Variants in SULT2B1 observed in about 807,000 individuals in gnomAD.
The protein encoded by SULT2B1 is sulfotransferase family 2B member 1, also known as sulfotransferase 2B1.
SULT2B1 carries 16 observed loss-of-function variants against 33.2 expected under a neutral mutation model. The observed-to-expected ratio is 0.48, with a 90% CI of 0.33 to 0.73. The LOEUF (loss-of-function observed/expected upper bound fraction) is 0.73. Among genes scored for constraint, SULT2B1 ranks in the 30% least tolerant of loss-of-function variants. The pLI is 0.02. For missense variants in SULT2B1, 500 were observed against 506.0 expected (o/e 0.99, Z 0.11); for synonymous variants, 186 against 200.5 (o/e 0.93, Z 0.61).
At chr19:48,595,329 G>A (rs1973696173) in intron 5 of SULT2B1, among the ~76,000 whole-genome samples, 1 of 151,730 alleles carries the variant, frequency 6.6e-6, no homozygotes, top group Admixed American at 6.6e-5. Context: ...GGGCTCCAGG[G>A]ACCTGAGCTC....
intron 1 of SULT2B1, among the ~76,000 whole-genome samples, chr19:48,575,123 T>G (rs1334607000): frequency 2.1e-5 from 3 of 142,704 alleles, no homozygotes; most frequent in Non-Finnish European, 4.5e-5. Flanking sequence ...TTTTTTTTTT[T>G]TTTGAGACAG....
At chr19:48,579,434 C>T (rs1349972918) in intron 2 of SULT2B1, among the ~76,000 whole-genome samples, 1 of 151,716 alleles carries the variant, frequency 6.6e-6, no homozygotes, top group Non-Finnish European at 1.5e-5. Flanking sequence ...AGGCGCCCAC[C>T]ACCATACCCA....
At chr19:48,557,823 G>T (rs1299186186) in intron 1 of SULT2B1, among the ~76,000 whole-genome samples, 1 of 152,066 alleles carries the variant, frequency 6.6e-6, no homozygotes, top group Non-Finnish European at 1.5e-5. Context: ...GGAGGTTGAG[G>T]CAGGAGAATC....
At position 48,552,389 on chromosome 19, in the gene SULT2B1, G is replaced by A; in HGVS notation, c.71+66G>A. 6.4e-7 allele frequency: 1 copy of A among 1,566,236 alleles called. No homozygotes were observed. The highest frequency in any genetic ancestry group is 1.1e-5 in the South Asian group (1 of 87,536). ...AGGAGGTGGCTGTTTGGGGGAGCCGGGGACTGTGGCAAGGGTGGCCTCCAG... is the reference window on the plus strand; with the variant it reads ...AGGAGGTGGCTGTTTGGGGGAGCCGAGGACTGTGGCAAGGGTGGCCTCCAG... On this transcript the variant is annotated intron_variant, in intron 1 of 6. Coordinates refer to ENST00000201586, the MANE Select transcript of SULT2B1 (RefSeq NM_177973.2). This position sits in a 1 kb window ranked among gnomAD's most constrained non-coding sequence, Gnocchi z 4.8.
At chr19:48,593,603 A>C (rs1364598888) in intron 5 of SULT2B1, among the ~76,000 whole-genome samples, 1 of 151,820 alleles carries the variant, frequency 6.6e-6, no homozygotes, top group Non-Finnish European at 1.5e-5. Context: ...GCATTCAACC[A>C]GTTTTTATTT....
chr19:48,577,905 A>G (rs1048903435), intron 2 of SULT2B1, among the ~76,000 whole-genome samples: 1 of 152,210 alleles, frequency 6.6e-6, no homozygotes, highest in Non-Finnish European at 1.5e-5. Context: ...GATTGGTGGC[A>G]ATAAATGCTG....
At chr19:48,556,030 G>A (rs1403676976) in intron 1 of SULT2B1, among the ~76,000 whole-genome samples, 2 of 152,166 alleles carry the variant, frequency 1.3e-5, no homozygotes, top group East Asian at 1.9e-4. Context: ...GTGAGCCACC[G>A]CGCCCGGCCT....
intron 1 of SULT2B1, among the ~76,000 whole-genome samples, chr19:48,559,348 T>TTTGTG (rs1166833030): frequency 6.7e-6 from 1 of 148,716 alleles, no homozygotes; most frequent in East Asian, 2.0e-4. Context: ...TTGGTTTTGT[T>TTTGTG]TTTTGTTTTG....
chr19:48,599,416 C>G lies in SULT2B1; in HGVS notation c.*10C>G. ...CCCACGACCCTCATAATAAACACGT[C>G]GATTCTGTCCAGGTTCCTTGATGCG... is the stretch of plus-strand genomic sequence containing the variant. On this transcript the variant is annotated 3_prime_UTR_variant, in exon 7 of 7. Transcript: ENST00000201586. This position sits in a 1 kb window ranked among gnomAD's most constrained non-coding sequence, Gnocchi z 4.1. 1 of 1,549,546 alleles carries G rather than the reference C, an allele frequency of 6.5e-7. No individual in the cohort carries two copies. The highest frequency in any genetic ancestry group is 8.7e-7 in the Non-Finnish European group (1 of 1,146,816).
intron 4 of SULT2B1, 29 bp downstream of exon 4, chr19:48,591,764 G>T: frequency 6.5e-7 from 1 of 1,541,816 alleles, no homozygotes. Flanking sequence ...GGGGCAGGAG[G>T]GGTGGGGAGG....
intron 5 of SULT2B1, among the ~76,000 whole-genome samples, chr19:48,593,097 G>C (rs547897858): frequency 6.6e-6 from 1 of 152,302 alleles, no homozygotes; most frequent in Non-Finnish European, 1.5e-5. Context: ...TAACCCAGGA[G>C]GGTTGGCCGG....
intron 6 of SULT2B1, among the ~76,000 whole-genome samples, chr19:48,598,732 C>T (rs921541451): frequency 1.2e-4 from 18 of 152,006 alleles, no homozygotes; most frequent in African/African-American, 3.9e-4. Flanking sequence ...CAGCATGGAG[C>T]GTTGTGGGGG....
chr19:48,575,167 G>A (rs1020396726), intron 1 of SULT2B1, among the ~76,000 whole-genome samples: 1 of 134,276 alleles, frequency 7.4e-6, no homozygotes, highest in African/African-American at 2.8e-5. Flanking sequence ...GGAGTGCAAT[G>A]GCACAGTCTC....
intron 1 of SULT2B1, among the ~76,000 whole-genome samples, chr19:48,565,579 C>T (rs1163335375): frequency 6.6e-6 from 1 of 151,928 alleles, no homozygotes; most frequent in Admixed American, 6.6e-5. Context: ...GGGGTTTCAC[C>T]ATGTTGGCCA....
At chr19:48,586,277 T>A (rs1601106889) in intron 2 of SULT2B1, among the ~76,000 whole-genome samples, 2 of 152,278 alleles carry the variant, frequency 1.3e-5, no homozygotes, top group East Asian at 1.9e-4. Flanking sequence ...AGCCTCAGAA[T>A]TTCAGCGGCT....
intron 3 of SULT2B1, among the ~76,000 whole-genome samples, chr19:48,589,970 T>C (rs1470716194): frequency 6.6e-6 from 1 of 151,954 alleles, no homozygotes; most frequent in Non-Finnish European, 1.5e-5. Flanking sequence ...CTTTTCTTTT[T>C]TCTTTTTCTT....
At position 48,565,432 on chromosome 19, in the gene SULT2B1, T is replaced by G. The variant is rs201947696; in HGVS notation, c.72-10509T>G. ...TCTCCCTCTGTCACCTAGGCTGAAG[T>G]GCAATGGCTAGATCTTGGCTCACTG... is the stretch of plus-strand genomic sequence containing the variant. On this transcript the variant is annotated intron_variant, in intron 1 of 6. Transcript: ENST00000201586. Among the ~76,000 whole-genome samples the G allele has an allele frequency of 1.5e-4, 23 of 151,676 alleles. No homozygotes were observed. The East Asian group carries it at 3.7e-3, about 24-fold the overall frequency.
intron 1 of SULT2B1, among the ~76,000 whole-genome samples, chr19:48,567,941 C>G (rs1022336116): frequency 3.3e-5 from 5 of 151,734 alleles, no homozygotes; most frequent in African/African-American, 1.2e-4. Flanking sequence ...CATCACTGCA[C>G]TCCAGCCTGA....
chr19:48,564,551 C>CAAAA (rs770217698), intron 1 of SULT2B1, among the ~76,000 whole-genome samples: 579 of 56,812 alleles, frequency 0.01, no homozygotes, highest in Middle Eastern at 0.018. Flanking sequence ...GACTCCGTCT[C>CAAAA]AAAAAAAAAA....
Sources: gnomAD v4.1 joint callset for allele counts (sites outside exome capture counted in the v4.1 genomes callset) on GRCh38, gnomAD v4.1.1 for gene constraint, Gnocchi (gnomAD v3.1) non-coding constraint, MANE v1.5 for transcripts, NCBI Gene and HGNC (gene_info 2026-07-23, HGNC 2026-07-21) for gene names.